Variants in TUSC3 observed in about 807,000 individuals in gnomAD.
The protein encoded by TUSC3 is dolichyl-diphosphooligosaccharide--protein glycosyltransferase subunit TUSC3.
In TUSC3, 45 loss-of-function variants were observed where a neutral mutation model predicts 44.8. The observed-to-expected ratio is 1.00, with a 90% CI of 0.79 to 1.29. TUSC3 has a LOEUF of 1.29. TUSC3 is among the 50% of genes most tolerant of loss of function. TUSC3 has a pLI of 0.00. For synonymous variants in TUSC3, 212 were observed against 152.9 expected (o/e 1.39, Z -2.85); for missense variants, 519 against 437.9 (o/e 1.19, Z -1.65).
At chr8:15,727,064 AAAAT>A (rs1245149706) in intron 6 of TUSC3, among the ~76,000 whole-genome samples, 7 of 152,298 alleles carry the variant, frequency 4.6e-5, no homozygotes, top group Admixed American at 3.3e-4. Flanking sequence ...ATCAGAGAGG[AAAAT>A]AAATAAATGA....
Position 15,437,166 on chromosome 8 carries a change from A to C in TUSC3, n.91+19861A>C, listed in dbSNP as rs545387882. ...AAATATAACTAATCATGCACTAATC[A>C]TTAGTCCCATAGTAATTGTATTAAT... On this transcript the variant is annotated intron_variant and non_coding_transcript_variant, in intron 1 of 5. Coordinates refer to the TUSC3 transcript ENST00000503191. 4.7e-4 allele frequency among the ~76,000 whole-genome samples: 71 copies of C among 152,320 alleles called. No homozygotes were observed. In the South Asian group the frequency reaches 0.012, roughly 27 times the overall value.
intron 1 of TUSC3, among the ~76,000 whole-genome samples, chr8:15,482,989 ATCAAG>A (rs956881091): frequency 7.3e-5 from 11 of 150,282 alleles, no homozygotes; most frequent in Admixed American, 7.2e-4. Context: ...GTAGAAAAAT[ATCAAG>A]TCAAAAGAAT....
intron 6 of TUSC3, among the ~76,000 whole-genome samples, chr8:15,688,410 A>G (rs981954424): frequency 6.7e-6 from 1 of 149,266 alleles, no homozygotes; most frequent in African/African-American, 2.5e-5. Flanking sequence ...TAAACATTCA[A>G]AAACTAACAC....
At chr8:15,828,360 G>A in the TUSC3 span, among the ~76,000 whole-genome samples, 1 of 152,118 alleles carries the variant, frequency 6.6e-6, no homozygotes, top group Admixed American at 6.5e-5. Flanking sequence ...ATCAACATCT[G>A]TAGGTGACCA....
In TUSC3 at chr8:15,423,893, T is replaced by C. The variant is rs188300662; in HGVS notation, n.91+6588T>C. On this transcript the variant is annotated intron_variant and non_coding_transcript_variant, in intron 1 of 5. Coordinates refer to the TUSC3 transcript ENST00000503191. ...AGAGAAGGCGGGATTACCCCTGTTG[T>C]GTGGGGCTTATTGACCAGGATGTTT... is the stretch of plus-strand genomic sequence containing the variant. Among the ~76,000 whole-genome samples the C allele has an allele frequency of 5.1e-3, 771 of 150,760 alleles. 11 individuals carry two copies. The highest frequency in any genetic ancestry group is 0.018 in the African/African-American group (740 of 41,192).
chr8:15,695,098 G>A (rs1420904423), intron 6 of TUSC3, among the ~76,000 whole-genome samples: 1 of 152,214 alleles, frequency 6.6e-6, no homozygotes, highest in Non-Finnish European at 1.5e-5. Context: ...GGCCACTAGT[G>A]TCAGTGCAGT....
At chr8:15,501,123 C>G (rs1250685833) in intron 2 of TUSC3, among the ~76,000 whole-genome samples, 1 of 152,134 alleles carries the variant, frequency 6.6e-6, no homozygotes, top group Non-Finnish European at 1.5e-5. Flanking sequence ...CTCCTTACAT[C>G]ACTTTTGGTA....
chr8:15,501,050 C>T (rs1035347119), intron 2 of TUSC3, among the ~76,000 whole-genome samples: 1 of 151,602 alleles, frequency 6.6e-6, no homozygotes, highest in African/African-American at 2.4e-5. Context: ...CCTTGACCCA[C>T]CCAAGTCTAA....
intron 6 of TUSC3, among the ~76,000 whole-genome samples, chr8:15,688,243 GT>G (rs952380915): frequency 1.3e-5 from 2 of 151,986 alleles, no homozygotes; most frequent in African/African-American, 4.8e-5. Context: ...TGAAAAAAGC[GT>G]TTCTCATTTA....
chr8:15,718,750 A>G (rs1810168470), intron 6 of TUSC3, among the ~76,000 whole-genome samples: 1 of 152,112 alleles, frequency 6.6e-6, no homozygotes, highest in African/African-American at 2.4e-5. Flanking sequence ...ATATATCCTC[A>G]GTTGAACTTA....
intron 1 of TUSC3, among the ~76,000 whole-genome samples, chr8:15,444,903 C>G (rs1031294911): frequency 6.6e-6 from 1 of 152,160 alleles, no homozygotes; most frequent in East Asian, 1.9e-4. Flanking sequence ...CCGGCAAACT[C>G]CTGGAAGGGA....
At chr8:15,720,673 G>T (rs1351545966) in intron 6 of TUSC3, among the ~76,000 whole-genome samples, 3 of 152,052 alleles carry the variant, frequency 2.0e-5, no homozygotes, top group Non-Finnish European at 4.4e-5. Flanking sequence ...AAAGCTGCTG[G>T]CATTAGGTGA....
intron 6 of TUSC3, among the ~76,000 whole-genome samples, chr8:15,705,497 A>G (rs1809579633): frequency 6.6e-6 from 1 of 152,096 alleles, no homozygotes; most frequent in Non-Finnish European, 1.5e-5. Flanking sequence ...AACTCTGAAT[A>G]AAATATTTTC....
chr8:15,503,094 C>T (rs188760016), intron 2 of TUSC3, among the ~76,000 whole-genome samples: 233 of 152,192 alleles, frequency 1.5e-3, no homozygotes, highest in African/African-American at 5.2e-3. Flanking sequence ...AGTCTTAAAT[C>T]CCCAGAACCT....
chr8:15,656,724 C>A (rs747773117), intron 3 of TUSC3, among the ~76,000 whole-genome samples: 4 of 152,242 alleles, frequency 2.6e-5, no homozygotes, highest in Non-Finnish European at 5.9e-5. Context: ...AGAGGCCCTG[C>A]TGCTGTAGAT....
At chr8:15,563,554 C>T (rs1247677249) in intron 1 of TUSC3, among the ~76,000 whole-genome samples, 5 of 151,848 alleles carry the variant, frequency 3.3e-5, no homozygotes, top group South Asian at 2.1e-4. Flanking sequence ...GTTGTGGTGG[C>T]GCATGCCTGT....
At chr8:15,534,375 GAC>G (rs1801493290) in intron 2 of TUSC3, among the ~76,000 whole-genome samples, 1 of 152,138 alleles carries the variant, frequency 6.6e-6, no homozygotes, top group South Asian at 2.1e-4. Flanking sequence ...TGGGCGCGGT[GAC>G]GCACACCTGT....
At position 15,659,511 on chromosome 8, in the gene TUSC3, A is replaced by C; in HGVS notation, c.431A>C (p.Asn144Thr). 8 of 1,612,484 alleles carry C rather than the reference A, an allele frequency of 5.0e-6. No individual in the cohort carries two copies. Among genetic ancestry groups the C allele is most frequent in the Non-Finnish European group, 6.8e-6 (8 of 1,179,550 alleles). ...TTTTTTTCTCATGTTTTACAGCTCA[A>C]CATGAACTCTGCTCCTACATTCATG... is the stretch of plus-strand genomic sequence containing the variant. ...DEGTDVFQQL[N>T]MNSAPTFMHF... is the part of the protein sequence containing the mutation. The change falls in exon 4 of 11, where the codon AAC becomes ACC. Residue 144 changes from asparagine to threonine, a missense_variant. Transcript: ENST00000503731.
At chr8:15,549,817 AG>A (rs535359275) in intron 1 of TUSC3, among the ~76,000 whole-genome samples, 1 of 151,632 alleles carries the variant, frequency 6.6e-6, no homozygotes, top group Non-Finnish European at 1.5e-5. Context: ...GGCTGAATCA[AG>A]GTTGAATACT....
Sources: allele counts gnomAD v4.1 joint callset (sites outside exome capture counted in the v4.1 genomes callset), GRCh38; gene constraint gnomAD v4.1.1; transcripts MANE v1.5; gene names NCBI Gene and HGNC (gene_info 2026-07-23, HGNC 2026-07-21).